The following NLGN4Y variants were observed in gnomAD, a reference collection of about 807,000 sequenced individuals.
NLGN4Y encodes neuroligin-4, Y-linked.
Under a neutral mutation model 8.4 loss-of-function variants are expected in NLGN4Y, and 4 were observed. That is an observed-to-expected ratio of 0.48 (90% confidence interval 0.23 to 1.09). The LOEUF (loss-of-function observed/expected upper bound fraction) is 1.09. NLGN4Y is among the 50% of genes least tolerant of loss of function. The pLI, the probability that NLGN4Y is intolerant of heterozygous loss-of-function variation, is 0.19. For missense variants in NLGN4Y, 90 were observed against 192.3 expected (o/e 0.47, Z 3.15); for synonymous variants, 35 against 75.6 (o/e 0.46, Z 2.78).
At chrY:14,775,841 G>A in intron 4 of NLGN4Y, among the ~76,000 whole-genome samples, 1 of 32,520 alleles carries the variant, frequency 3.1e-5, no homozygotes, top group Admixed American at 3.0e-4. Flanking sequence ...GGGCATAGAT[G>A]ATTATTTCCA....
chrY:14,620,776 G>T, intron 1 of NLGN4Y, among the ~76,000 whole-genome samples: 1 of 33,464 alleles, frequency 3.0e-5, no homozygotes, highest in Non-Finnish European at 7.4e-5. Context: ...TTGACATACT[G>T]TCCATTGCTG....
At chrY:14,545,535 T>C (rs2080169005) in intron 1 of NLGN4Y, among the ~76,000 whole-genome samples, 33 of 34,078 alleles carry the variant, frequency 9.7e-4, no homozygotes, top group African/African-American at 3.6e-3. Flanking sequence ...TGGCCAGTGA[T>C]GATGAGCATT....
chrY:14,779,610 G>A (rs2081140001), intron 4 of NLGN4Y, among the ~76,000 whole-genome samples: 2 of 33,041 alleles, frequency 6.1e-5, no homozygotes, highest in South Asian at 6.9e-4. Flanking sequence ...CCCAGATTGC[G>A]TGAGTCAATT....
chrY:14,724,870 G>A, intron 4 of NLGN4Y, among the ~76,000 whole-genome samples: 1 of 32,429 alleles, frequency 3.1e-5, no homozygotes, highest in Non-Finnish European at 7.5e-5. Context: ...TCGAATTCCT[G>A]ACCTCAGGTA....
intron 1 of NLGN4Y, among the ~76,000 whole-genome samples, chrY:14,572,303 A>G (rs2080275510): frequency 5.2e-4 from 16 of 30,518 alleles, no homozygotes; most frequent in Non-Finnish European, 1.0e-3. Flanking sequence ...CTCCTTGAAG[A>G]GGTCATTCAC....
At chrY:14,632,457 A>G in intron 2 of NLGN4Y, among the ~76,000 whole-genome samples, 1 of 33,990 alleles carries the variant, frequency 2.9e-5, no homozygotes, top group African/African-American at 1.1e-4. Flanking sequence ...CCCTTAAACT[A>G]TCAAGTGGCA....
intron 6 of NLGN4Y, among the ~76,000 whole-genome samples, chrY:14,833,536 A>G: frequency 2.9e-5 from 1 of 34,093 alleles, no homozygotes. Context: ...TTCTTCTGCC[A>G]TGGCTTCAGC....
chrY:14,540,661 C>T (rs2080146717), intron 1 of NLGN4Y, among the ~76,000 whole-genome samples: 2 of 33,486 alleles, frequency 6.0e-5, no homozygotes, highest in Non-Finnish European at 1.5e-4. Flanking sequence ...CTGCAGCCTC[C>T]ACTGGTGATA....
At chrY:14,815,602 G>T (rs960550928) in intron 4 of NLGN4Y, among the ~76,000 whole-genome samples, 1 of 33,226 alleles carries the variant, frequency 3.0e-5, no homozygotes, top group African/African-American at 1.2e-4. Context: ...GATTGCACTG[G>T]ATGCATAAAG....
At chrY:14,550,760 G>T (rs2080190113) in intron 1 of NLGN4Y, among the ~76,000 whole-genome samples, 1 of 33,796 alleles carries the variant, frequency 3.0e-5, no homozygotes, top group Non-Finnish European at 7.3e-5. Flanking sequence ...TAGTCTGATG[G>T]GCTTCTCTTT....
intron 2 of NLGN4Y, among the ~76,000 whole-genome samples, chrY:14,715,705 G>C (rs764653473): frequency 8.3e-4 from 27 of 32,668 alleles, no homozygotes; most frequent in African/African-American, 3.3e-3. Context: ...ATGAGTGCAG[G>C]AAACCACAAT....
chrY:14,707,001 G>T, intron 2 of NLGN4Y, among the ~76,000 whole-genome samples: 1 of 18,646 alleles, frequency 5.4e-5, no homozygotes, highest in South Asian at 1.4e-3. Context: ...ATACACATAT[G>T]TGTATATATA....
At chrY:14,797,043 G>C (rs938209846) in intron 4 of NLGN4Y, among the ~76,000 whole-genome samples, 2 of 32,969 alleles carry the variant, frequency 6.1e-5, no homozygotes, top group Non-Finnish European at 1.5e-4. Flanking sequence ...ATTTATGTTT[G>C]TTGAATATTA....
At chrY:14,742,366 T>C in intron 4 of NLGN4Y, among the ~76,000 whole-genome samples, 3 of 32,608 alleles carry the variant, frequency 9.2e-5, no homozygotes, top group Non-Finnish European at 1.5e-4. Context: ...CTTTGATTAG[T>C]TGATTTAACC....
chrY:14,807,577 C>T (rs2043062570), intron 4 of NLGN4Y, among the ~76,000 whole-genome samples: 1 of 32,990 alleles, frequency 3.0e-5, no homozygotes, highest in Non-Finnish European at 7.4e-5. Flanking sequence ...TGGAAATGCA[C>T]TCAACTGTGG....
In NLGN4Y at chrY:14,653,420, C is replaced by T. The variant is rs750869273; in HGVS notation, c.472+30829C>T. On this transcript the variant is annotated intron_variant, in intron 2 of 6. Transcript: ENST00000684976. ...GGCAGGTGGGGGACTCTGTCTCACT[C>T]TCTCGCTGGAATGCAGTCACTCAGT... 4.1e-4 allele frequency among the ~76,000 whole-genome samples: 13 copies of T among 31,828 alleles called. No homozygotes were observed. In the South Asian group the frequency reaches 9.1e-3, roughly 22 times the overall value. 85.4% of individuals were successfully genotyped at this position (31,828 alleles called of 37,273 possible). A position where few individuals can be genotyped will look rare whatever the true frequency, so the allele number is the denominator to read the frequency against.
At chrY:14,686,885 T>C in intron 2 of NLGN4Y, among the ~76,000 whole-genome samples, 3 of 33,407 alleles carry the variant, frequency 9.0e-5, no homozygotes, top group African/African-American at 3.5e-4. Flanking sequence ...AAGTTGAATC[T>C]GAATTTTAAA....
intron 1 of NLGN4Y, among the ~76,000 whole-genome samples, chrY:14,557,539 A>C (rs1020353312): frequency 6.3e-4 from 21 of 33,251 alleles, no homozygotes; most frequent in Non-Finnish European, 1.6e-3. Flanking sequence ...ACTCTTTTTG[A>C]AAATTAAATA....
intron 4 of NLGN4Y, among the ~76,000 whole-genome samples, chrY:14,773,700 T>A: frequency 9.0e-5 from 3 of 33,300 alleles, no homozygotes; most frequent in Non-Finnish European, 2.2e-4. Flanking sequence ...CAAAACAGCA[T>A]GGTTCTCATA....
Sources: allele counts gnomAD v4.1 joint callset (sites outside exome capture counted in the v4.1 genomes callset), GRCh38; gene constraint gnomAD v4.1.1; transcripts MANE v1.5; gene names NCBI Gene and HGNC (gene_info 2026-07-23, HGNC 2026-07-21).